Variants in AOPEP observed in about 807,000 individuals in gnomAD.
AOPEP encodes the protein aminopeptidase O.
In AOPEP, 77 loss-of-function variants were observed where a neutral mutation model predicts 98.1. The ratio of observed to expected loss-of-function variants is 0.78; its 90% CI spans 0.65 to 0.95. The LOEUF (loss-of-function observed/expected upper bound fraction) is 0.95. Ranked by LOEUF, AOPEP falls within the 40% of genes least tolerant of loss-of-function variation. The pLI, the probability that AOPEP is intolerant of heterozygous loss-of-function variation, is 0.00. For synonymous variants in AOPEP, 346 were observed against 365.3 expected (o/e 0.95, Z 0.60); for missense variants, 1,024 against 1,024.7 (o/e 1.00, Z 0.01).
the AOPEP span, chr9:95,123,334 T>C: frequency 0.46 from 150,542 of 328,874 alleles, 34,848 homozygotes; most frequent in East Asian, 0.59. Flanking sequence ...AATATATTTA[T>C]TGTTGCTTTA....
chr9:94,981,664 G>A (rs1421714009), intron 11 of AOPEP, among the ~76,000 whole-genome samples: 4 of 152,094 alleles, frequency 2.6e-5, no homozygotes, highest in Admixed American at 6.5e-5. Context: ...GGGACCCTCC[G>A]GTTGCAGGAG....
chr9:94,733,307 C>T (rs1355379955), intron 1 of AOPEP, among the ~76,000 whole-genome samples: 5 of 151,930 alleles, frequency 3.3e-5, no homozygotes, highest in South Asian at 2.1e-4. Flanking sequence ...GACATTTTGC[C>T]GTGTTGCTCA....
At chr9:94,888,632 A>G (rs1313610603) in intron 5 of AOPEP, among the ~76,000 whole-genome samples, 3 of 152,086 alleles carry the variant, frequency 2.0e-5, no homozygotes, top group Non-Finnish European at 2.9e-5. Flanking sequence ...GTGGAGTGAA[A>G]CTTTAATAAG....
intron 5 of AOPEP, among the ~76,000 whole-genome samples, chr9:94,844,403 G>A (rs750211285): frequency 8.5e-5 from 13 of 152,200 alleles, no homozygotes; most frequent in Non-Finnish European, 1.9e-4. Context: ...GTGGTACAAT[G>A]TGATGTTTCA....
At chr9:94,894,382 A>G (rs2049232050) in intron 5 of AOPEP, among the ~76,000 whole-genome samples, 1 of 152,222 alleles carries the variant, frequency 6.6e-6, no homozygotes, top group Non-Finnish European at 1.5e-5. Flanking sequence ...AGTGACAAAT[A>G]GTAACAGATG....
At chr9:94,933,973 C>T (rs1336474897) in intron 7 of AOPEP, among the ~76,000 whole-genome samples, 1 of 152,154 alleles carries the variant, frequency 6.6e-6, no homozygotes, top group Non-Finnish European at 1.5e-5. Context: ...TGGTCTTGAT[C>T]TCCTGACCTT....
intron 13 of AOPEP, among the ~76,000 whole-genome samples, chr9:95,046,469 A>G (rs553586519): frequency 4.6e-5 from 7 of 152,340 alleles, no homozygotes; most frequent in Non-Finnish European, 8.8e-5. Flanking sequence ...TTAAAGGTAG[A>G]TAAGAATTTT....
chr9:95,090,440 G>C (rs2070851008), downstream of AOPEP, among the ~76,000 whole-genome samples: 1 of 152,202 alleles, frequency 6.6e-6, no homozygotes, highest in Non-Finnish European at 1.5e-5. Context: ...GCCTCCGGCT[G>C]TCTGAACACA....
chr9:94,779,994 G>A (rs186112766), intron 3 of AOPEP, among the ~76,000 whole-genome samples: 3 of 152,302 alleles, frequency 2.0e-5, no homozygotes, highest in Admixed American at 1.3e-4. Flanking sequence ...CACTAATACA[G>A]ATGGGAACTC....
intron 3 of AOPEP, among the ~76,000 whole-genome samples, chr9:94,791,649 C>T (rs1041714606): frequency 7.2e-5 from 11 of 152,072 alleles, no homozygotes; most frequent in African/African-American, 2.7e-4. Flanking sequence ...CACGCCACTG[C>T]ATTCCAACCT....
At chr9:95,086,262 G>A in intron 16 of AOPEP, 2 of 1,216,432 alleles carry the variant, frequency 1.6e-6, no homozygotes, top group Non-Finnish European at 2.1e-6. Context: ...TGTAGACTTG[G>A]AAAACCCTGT....
At chr9:95,094,894 G>A in the AOPEP span, among the ~76,000 whole-genome samples, 1 of 152,204 alleles carries the variant, frequency 6.6e-6, no homozygotes, top group Non-Finnish European at 1.5e-5. Flanking sequence ...TTGAACTCCT[G>A]ACCTCGTGAT....
At chr9:95,097,242 A>G in the AOPEP span, among the ~76,000 whole-genome samples, 13 of 152,382 alleles carry the variant, frequency 8.5e-5, no homozygotes, top group African/African-American at 3.1e-4. Flanking sequence ...ATGCTCTGGC[A>G]TAGGCTAAAG....
intron 5 of AOPEP, among the ~76,000 whole-genome samples, chr9:94,813,199 C>A (rs1336400251): frequency 6.6e-6 from 1 of 152,170 alleles, no homozygotes; most frequent in Non-Finnish European, 1.5e-5. Context: ...CAAACAGTTA[C>A]AAGAGATGAG....
At chr9:94,975,010 A>C (rs1349728057) in intron 10 of AOPEP, among the ~76,000 whole-genome samples, 1 of 152,108 alleles carries the variant, frequency 6.6e-6, no homozygotes, top group Non-Finnish European at 1.5e-5. Context: ...GGCTGGGATC[A>C]TTTGAGGCCA....
intron 5 of AOPEP, among the ~76,000 whole-genome samples, chr9:94,827,028 A>G (rs1369829592): frequency 2.0e-5 from 3 of 152,202 alleles, no homozygotes; most frequent in Admixed American, 2.0e-4. Context: ...TTGTCTACCA[A>G]TGCATGATAA....
chr9:94,916,415 C>A (rs2052801097), intron 5 of AOPEP, among the ~76,000 whole-genome samples: 1 of 152,214 alleles, frequency 6.6e-6, no homozygotes, highest in African/African-American at 2.4e-5. Context: ...ATAGATGATT[C>A]AAAAGACATG....
At chr9:95,129,509 C>T in the AOPEP span, among the ~76,000 whole-genome samples, 1 of 152,294 alleles carries the variant, frequency 6.6e-6, no homozygotes, top group South Asian at 2.1e-4. Flanking sequence ...TGGGGCACTC[C>T]GGTAACACAC....
intron 1 of AOPEP, among the ~76,000 whole-genome samples, chr9:94,758,994 C>T (rs927966264): frequency 6.6e-6 from 1 of 151,272 alleles, no homozygotes; most frequent in African/African-American, 2.4e-5. Flanking sequence ...AATGGGTTTT[C>T]AGCTATTAAG....
Sources: gnomAD v4.1 joint callset for allele counts (sites outside exome capture counted in the v4.1 genomes callset) on GRCh38, gnomAD v4.1.1 for gene constraint, MANE v1.5 for transcripts, NCBI Gene and HGNC (gene_info 2026-07-23, HGNC 2026-07-21) for gene names.